SGMS2: variants seen among roughly 807,000 people sequenced by gnomAD.
SGMS2 encodes sphingomyelin synthase 2, also known as phosphatidylcholine:ceramide cholinephosphotransferase 2.
Under a neutral mutation model 43.8 loss-of-function variants are expected in SGMS2, and 21 were observed. The observed-to-expected ratio is 0.48, with a 90% CI of 0.34 to 0.69. SGMS2 has a LOEUF of 0.69. Among genes scored for constraint, SGMS2 ranks in the 30% least tolerant of loss-of-function variants. SGMS2 has a pLI of 0.01. For missense variants in SGMS2, 384 were observed against 443.2 expected (o/e 0.87, Z 1.20); for synonymous variants, 167 against 160.6 (o/e 1.04, Z -0.30).
At chr4:107,904,686 C>T (rs1243531317) in intron 5 of SGMS2, among the ~76,000 whole-genome samples, 2 of 152,152 alleles carry the variant, frequency 1.3e-5, no homozygotes, top group East Asian at 3.8e-4. Flanking sequence ...TTCTCACACT[C>T]TTGTGGTGGT....
At chr4:107,890,341 A>G (rs1369387348) in intron 2 of SGMS2, among the ~76,000 whole-genome samples, 1 of 152,120 alleles carries the variant, frequency 6.6e-6, no homozygotes, top group Non-Finnish European at 1.5e-5. Flanking sequence ...AGCAGAAGTA[A>G]ATGAAGAAAA....
intron 2 of SGMS2, chr4:107,886,814 C>T (rs578071411): frequency 6.6e-6 from 1 of 152,266 alleles, no homozygotes; most frequent in African/African-American, 2.4e-5. Flanking sequence ...TAACCAGTTT[C>T]TCCAGTTGTG....
At chr4:107,827,943 G>A (rs190648218) in intron 1 of SGMS2, among the ~76,000 whole-genome samples, 1,639 of 152,176 alleles carry the variant, frequency 0.011, 102 homozygotes, top group Admixed American at 0.096. Flanking sequence ...CTGAGATTGC[G>A]TCACTGCACT....
In SGMS2 at chr4:107,886,254, C is replaced by T. The variant is rs1729741490; in HGVS notation, c.-244-9056C>T. Among the ~76,000 whole-genome samples the T allele has an allele frequency of 2.0e-5, 3 of 151,568 alleles. No homozygotes were observed. The South Asian group carries it at 6.2e-4, about 32-fold the overall frequency. On this transcript the variant is annotated intron_variant, in intron 2 of 6. Transcript: ENST00000690982. ...TCACTCCATCACCCAGGCTGGAATG[C>T]AGTGGTGTGATCACTGCTCACTGCA...
chr4:107,833,573 T>G (rs1018612723), intron 1 of SGMS2, among the ~76,000 whole-genome samples: 1 of 152,162 alleles, frequency 6.6e-6, no homozygotes, highest in African/African-American at 2.4e-5. Context: ...ACAAAATTAT[T>G]TAGAACATAC....
At position 107,910,655 on chromosome 4, in the gene SGMS2, G is replaced by T; in HGVS notation, c.*102G>T. 1 of 1,071,030 alleles carries T rather than the reference G, an allele frequency of 9.3e-7. No homozygotes were observed. Among genetic ancestry groups the T allele is most frequent in the East Asian group, 2.6e-5 (1 of 38,516 alleles). 66.3% of individuals were successfully genotyped at this position (1,071,030 alleles called of 1,614,324 possible). On this transcript the variant is annotated 3_prime_UTR_variant, in exon 7 of 7. Coordinates refer to ENST00000690982, the MANE Select transcript of SGMS2 (RefSeq NM_001375905.1). ...TTAGGAGAACTGACTGGTAAATGAA[G>T]AAATGGACCAAATTTTGTGTAAACG...
intron 2 of SGMS2, chr4:107,893,041 T>C (rs189728626): frequency 2.8e-4 from 43 of 152,250 alleles, no homozygotes; most frequent in African/African-American, 9.4e-4. Context: ...TTAACACTAA[T>C]AACGATAAAT....
rs532502017 is a variant in SGMS2 at position 107,881,187 on chromosome 4, C to G, written c.-244-14123C>G. ...ATTGCCTGTATTGCAGTCTAGAAAA[C>G]CTCAGCACCATGCAATATACCAGAT... On this transcript the variant is annotated intron_variant, in intron 2 of 6. Coordinates refer to ENST00000690982, the MANE Select transcript of SGMS2 (RefSeq NM_001375905.1). Among the ~76,000 whole-genome samples, 235 of 151,956 alleles carry G rather than the reference C, an allele frequency of 1.5e-3. 2 individuals are homozygous for G. The highest frequency in any genetic ancestry group is 5.4e-3 in the African/African-American group (222 of 41,458).
chr4:107,908,765 T>C (rs767882562), intron 6 of SGMS2, 34 bp downstream of exon 6: 29 of 1,590,296 alleles, frequency 1.8e-5, no homozygotes, highest in Non-Finnish European at 1.2e-5. Flanking sequence ...ATAATTTCTT[T>C]TCTTTGAATG....
chr4:107,890,854 A>G (rs549006113), intron 2 of SGMS2, among the ~76,000 whole-genome samples: 1 of 152,080 alleles, frequency 6.6e-6, no homozygotes, highest in Non-Finnish European at 1.5e-5. Flanking sequence ...TCATTTCCAT[A>G]TTTCACGAAC....
At chr4:107,903,150 CCTTT>C (rs1388348738) in intron 4 of SGMS2, 79 bp from the exon 5 acceptor site, 19 of 1,345,308 alleles carry the variant, frequency 1.4e-5, no homozygotes, top group Non-Finnish European at 2.0e-5. Context: ...AACCTGGTGT[CCTTT>C]CTAAGAGTCA....
At position 107,835,336 on chromosome 4, in the gene SGMS2, A is replaced by G. The variant is rs546681715; in HGVS notation, c.-327+10083A>G. Reference sequence around the variant, plus strand: ...CAAACCATAGAGACAGAATATTTTCATATTTGTAATACTTTTAAATGCATC... The same window carrying G: ...CAAACCATAGAGACAGAATATTTTCGTATTTGTAATACTTTTAAATGCATC... On this transcript the variant is annotated intron_variant, in intron 1 of 6. Coordinates refer to ENST00000690982, the MANE Select transcript of SGMS2 (RefSeq NM_001375905.1). 2.0e-5 allele frequency among the ~76,000 whole-genome samples: 3 copies of G among 152,224 alleles called. No individual in the cohort carries two copies. In the East Asian group the frequency reaches 5.8e-4, roughly 29 times the overall value.
At position 107,907,393 on chromosome 4, in the gene SGMS2, C is replaced by T. The variant is rs958088062; in HGVS notation, c.728-1172C>T. 3 of 152,348 alleles carry T rather than the reference C, an allele frequency of 2.0e-5. No homozygotes were observed. In the South Asian group the frequency reaches 6.2e-4, roughly 32 times the overall value. 9.4% of individuals were successfully genotyped at this position (152,348 alleles called of 1,614,324 possible). On this transcript the variant is annotated intron_variant, in intron 5 of 6. Coordinates refer to ENST00000690982, the MANE Select transcript of SGMS2 (RefSeq NM_001375905.1). ...TTGGGAGGCTGAGGCAGGCAGGTCACCTGAGGTCAGGAGTTCAAGACCAGC... is the reference window on the plus strand; with the variant it reads ...TTGGGAGGCTGAGGCAGGCAGGTCATCTGAGGTCAGGAGTTCAAGACCAGC...
intron 2 of SGMS2, among the ~76,000 whole-genome samples, chr4:107,866,583 CA>C (rs1159732067): frequency 3.5e-5 from 5 of 142,342 alleles, no homozygotes; most frequent in East Asian, 2.0e-4. Context: ...AAACCAAAAA[CA>C]AAAAAAAAAC....
At chr4:107,874,371 T>C (rs1340540106) in intron 2 of SGMS2, among the ~76,000 whole-genome samples, 1 of 152,194 alleles carries the variant, frequency 6.6e-6, no homozygotes, top group Non-Finnish European at 1.5e-5. Context: ...GAAATAAAAG[T>C]CTTGAGTGAG....
chr4:107,852,791 C>T (rs1727226261), intron 1 of SGMS2, among the ~76,000 whole-genome samples: 1 of 150,586 alleles, frequency 6.6e-6, no homozygotes, highest in Non-Finnish European at 1.5e-5. Flanking sequence ...TTAATAGGCT[C>T]AGAACTAATC....
At chr4:107,893,727 A>G (rs1730435062) in intron 2 of SGMS2, 1 of 152,240 alleles carries the variant, frequency 6.6e-6, no homozygotes, top group South Asian at 2.1e-4. Context: ...CCATTTCTCT[A>G]CCAGGCCAGC....
At chr4:107,873,524 G>A (rs931327442) in intron 2 of SGMS2, 7 of 151,874 alleles carry the variant, frequency 4.6e-5, no homozygotes, top group Admixed American at 1.3e-4. Flanking sequence ...CGAGCATCAA[G>A]GCCCCAGATG....
At chr4:107,860,543 A>G in intron 2 of SGMS2, among the ~76,000 whole-genome samples, 1 of 148,392 alleles carries the variant, frequency 6.7e-6, no homozygotes, top group Non-Finnish European at 1.5e-5. Context: ...TTTTTTTGAG[A>G]CGGAGCCTCT....
Sources: allele counts gnomAD v4.1 joint callset (sites outside exome capture counted in the v4.1 genomes callset), GRCh38; gene constraint gnomAD v4.1.1; transcripts MANE v1.5; gene names NCBI Gene and HGNC (gene_info 2026-07-23, HGNC 2026-07-21).